FHIT: variants seen among roughly 807,000 people sequenced by gnomAD.
FHIT encodes bis(5'-adenosyl)-triphosphatase.
In FHIT, 19 loss-of-function variants were observed where a neutral mutation model predicts 17.9. The ratio of observed to expected loss-of-function variants is 1.06; its 90% confidence interval spans 0.74 to 1.56. The LOEUF is 1.56. FHIT is among the 40% of genes most tolerant of loss of function. The pLI is 0.00. For missense variants in FHIT, 248 were observed against 189.2 expected, an observed-to-expected ratio of 1.31 and a Z score of -1.82; for synonymous variants, 81 against 69.7, an observed-to-expected ratio of 1.16 and a Z score of -0.81.
chr3:60,865,228 A>T (rs545468112), intron 3 of FHIT, among the ~76,000 whole-genome samples: 1 of 152,328 alleles, frequency 6.6e-6, no homozygotes, highest in South Asian at 2.1e-4. Context: ...TTGGCATTTT[A>T]GCCTATGCTG....
At chr3:60,046,394 G>A (rs923060423) in intron 5 of FHIT, among the ~76,000 whole-genome samples, 1 of 152,212 alleles carries the variant, frequency 6.6e-6, no homozygotes, top group African/African-American at 2.4e-5. Flanking sequence ...GTAGCTGGCT[G>A]CATCTGTGCT....
rs77060177 is a variant in FHIT at position 60,274,283 on chromosome 3, G to A, written c.104-260131C>T. On this transcript the variant is annotated intron_variant, in intron 5 of 9. Coordinates refer to ENST00000492590, the MANE Select transcript of FHIT (RefSeq NM_002012.4). ...CCTCACTAGATTATAAACTCCTTGA[G>A]GGCAGGCACTGGTTCCACTCTCTTC... Among the ~76,000 whole-genome samples, 64 of 152,152 alleles carry A rather than the reference G, an allele frequency of 4.2e-4. 1 individual carries two copies. In the East Asian group the frequency reaches 0.012, roughly 28 times the overall value.
At chr3:59,891,884 A>G (rs779295694) in intron 8 of FHIT, among the ~76,000 whole-genome samples, 7 of 152,122 alleles carry the variant, frequency 4.6e-5, no homozygotes, top group Non-Finnish European at 8.8e-5. Flanking sequence ...TTCTGTTTAG[A>G]TTTTTCCTGA....
intron 4 of FHIT, among the ~76,000 whole-genome samples, chr3:60,736,514 A>T (rs1427003029): frequency 1.3e-5 from 2 of 152,236 alleles, no homozygotes; most frequent in African/African-American, 4.8e-5. Flanking sequence ...CCTTGAAAAC[A>T]TTATGCTATG....
At chr3:60,857,603 A>G (rs555737736) in intron 3 of FHIT, among the ~76,000 whole-genome samples, 1 of 152,314 alleles carries the variant, frequency 6.6e-6, no homozygotes, top group African/African-American at 2.4e-5. Flanking sequence ...AGAGTTCTTT[A>G]TTGTTCTGCC....
intron 4 of FHIT, among the ~76,000 whole-genome samples, chr3:60,635,478 A>C (rs1553683572): frequency 6.6e-6 from 1 of 151,668 alleles, no homozygotes; most frequent in South Asian, 2.1e-4. Flanking sequence ...CAACCACACT[A>C]CCCTTTCCCC....
intron 5 of FHIT, among the ~76,000 whole-genome samples, chr3:60,446,988 C>A (rs1382686626): frequency 6.6e-6 from 1 of 151,886 alleles, no homozygotes; most frequent in Non-Finnish European, 1.5e-5. Flanking sequence ...TTGGCAGACC[C>A]AAACTTCTAT....
chr3:60,225,901 G>A (rs1704175022), intron 5 of FHIT, among the ~76,000 whole-genome samples: 1 of 152,146 alleles, frequency 6.6e-6, no homozygotes. Flanking sequence ...GTCCTGACCA[G>A]GAATGTGACC....
rs916315299 is a variant in FHIT, at chr3:59,888,399, C to T, written c.348+33947G>A. Among the ~76,000 whole-genome samples, 6 of 152,254 alleles carry T rather than the reference C, an allele frequency of 3.9e-5. No homozygotes were observed. In the South Asian group the frequency reaches 1.2e-3, roughly 32 times the overall value. ...TGAAACTAGACAAATTCCTTGTAGC[C>T]TTTTATCTGACAACAGCTAAAAGGC... On this transcript the variant is annotated intron_variant, in intron 8 of 9. Coordinates refer to ENST00000492590, the MANE Select transcript of FHIT (RefSeq NM_002012.4).
intron 3 of FHIT, among the ~76,000 whole-genome samples, chr3:60,933,086 T>A (rs1420622734): frequency 6.6e-6 from 1 of 152,172 alleles, no homozygotes; most frequent in African/African-American, 2.4e-5. Context: ...AAATGAAAAA[T>A]TATAAATGAT....
chr3:61,206,566 T>C (rs1269010416), intron 1 of FHIT, among the ~76,000 whole-genome samples: 1 of 151,916 alleles, frequency 6.6e-6, no homozygotes, highest in Non-Finnish European at 1.5e-5. Context: ...AGGTATTTTA[T>C]TCTCTTTGAA....
chr3:61,094,504 T>C (rs1311689891), intron 2 of FHIT, among the ~76,000 whole-genome samples: 1 of 152,198 alleles, frequency 6.6e-6, no homozygotes, highest in African/African-American at 2.4e-5. Context: ...AGTCCCTGGT[T>C]ATCCGCAGGA....
At chr3:60,212,738 G>T (rs1340232560) in intron 5 of FHIT, among the ~76,000 whole-genome samples, 1 of 152,120 alleles carries the variant, frequency 6.6e-6, no homozygotes, top group African/African-American at 2.4e-5. Flanking sequence ...ACAGAGGACA[G>T]GAAATAATAC....
chr3:60,054,240 G>C (rs1235475739), intron 5 of FHIT, among the ~76,000 whole-genome samples: 1 of 152,096 alleles, frequency 6.6e-6, no homozygotes, highest in Non-Finnish European at 1.5e-5. Context: ...AAAGAAATAA[G>C]GACAGGTGAG....
chr3:61,235,812 G>GT (rs930947707), intron 1 of FHIT, among the ~76,000 whole-genome samples: 2 of 152,150 alleles, frequency 1.3e-5, no homozygotes, highest in African/African-American at 4.8e-5. Context: ...AAAATGTTGG[G>GT]TTTTTTTAGA....
chr3:59,855,698 G>A (rs1702125400), intron 8 of FHIT, among the ~76,000 whole-genome samples: 1 of 151,014 alleles, frequency 6.6e-6, no homozygotes, highest in African/African-American at 2.4e-5. Context: ...AGCACAAATT[G>A]ATGAAATAGA....
At chr3:60,534,349 C>T (rs1422129076) in intron 5 of FHIT, among the ~76,000 whole-genome samples, 5 of 144,352 alleles carry the variant, frequency 3.5e-5, no homozygotes, top group Middle Eastern at 3.7e-3. Flanking sequence ...AGGAGAATGG[C>T]GTGAACCCGG....
chr3:61,026,362 T>C (rs1332908592), intron 3 of FHIT, among the ~76,000 whole-genome samples: 1 of 152,134 alleles, frequency 6.6e-6, no homozygotes, highest in Non-Finnish European at 1.5e-5. Context: ...CGAGCCTTGG[T>C]TTCCTCTTCT....
chr3:60,251,295 T>C (rs986279422), intron 5 of FHIT, among the ~76,000 whole-genome samples: 5 of 152,314 alleles, frequency 3.3e-5, no homozygotes, highest in East Asian at 3.9e-4. Flanking sequence ...ATGGAATGCC[T>C]TGGCTCTCTC....
Sources: allele counts gnomAD v4.1 joint callset (sites outside exome capture counted in the v4.1 genomes callset), GRCh38; gene constraint gnomAD v4.1.1; transcripts MANE v1.5; gene names NCBI Gene and HGNC (gene_info 2026-07-23, HGNC 2026-07-21).